IGSF5: variants seen among roughly 807,000 people sequenced by gnomAD.
IGSF5 encodes immunoglobulin superfamily 5 like.
In IGSF5, 41 loss-of-function variants were observed where a neutral mutation model predicts 39.4. The observed-to-expected ratio is 1.04, with a 90% CI of 0.81 to 1.35. The LOEUF is 1.35. Among genes scored for constraint, IGSF5 ranks in the 40% most tolerant of loss-of-function variants. The probability of loss-of-function intolerance (pLI) is 0.00; values close to 1 mark genes in which losing one functional copy is unlikely to be tolerated. For synonymous variants in IGSF5, 183 were observed against 175.3 expected (o/e 1.04, Z -0.34); for missense variants, 487 against 494.6 (o/e 0.98, Z 0.15).
At chr21:39,748,998 C>A (rs1161092045) in intron 2 of IGSF5, among the ~76,000 whole-genome samples, 1 of 152,144 alleles carries the variant, frequency 6.6e-6, no homozygotes, top group African/African-American at 2.4e-5. Context: ...AGGTTCAGCA[C>A]CAGGCGCCTG....
At chr21:39,757,560 G>C (rs1569249329) in intron 2 of IGSF5, among the ~76,000 whole-genome samples, 1 of 151,378 alleles carries the variant, frequency 6.6e-6, no homozygotes, top group South Asian at 2.1e-4. Flanking sequence ...GGTCTGAGGT[G>C]GACTCAGAAA....
chr21:39,731,235 G>A, the IGSF5 span, among the ~76,000 whole-genome samples: 3 of 152,070 alleles, frequency 2.0e-5, no homozygotes, highest in South Asian at 2.1e-4. Flanking sequence ...TTGAGAGGTC[G>A]GTTTATCGCT....
intron 2 of IGSF5, among the ~76,000 whole-genome samples, chr21:39,762,983 G>C (rs1418327743): frequency 2.0e-5 from 3 of 152,160 alleles, no homozygotes; most frequent in Admixed American, 6.5e-5. Flanking sequence ...GCAAAAGGGA[G>C]AGCAAAGAGG....
At chr21:39,784,485 T>C (rs1467041926) in intron 5 of IGSF5, among the ~76,000 whole-genome samples, 1 of 152,210 alleles carries the variant, frequency 6.6e-6, no homozygotes, top group Non-Finnish European at 1.5e-5. Flanking sequence ...TGGGAATAAA[T>C]ACTATCCTAT....
At chr21:39,737,685 G>A in the IGSF5 span, among the ~76,000 whole-genome samples, 23 of 152,312 alleles carry the variant, frequency 1.5e-4, no homozygotes, top group East Asian at 2.3e-3. Flanking sequence ...TGGGTGTGTG[G>A]CCCCCCAGGA....
At chr21:39,714,220 G>T in the IGSF5 span, among the ~76,000 whole-genome samples, 1 of 152,356 alleles carries the variant, frequency 6.6e-6, no homozygotes, top group East Asian at 1.9e-4. Flanking sequence ...CTACACTTAG[G>T]TGAGTTTGCA....
At chr21:39,736,869 G>T in the IGSF5 span, among the ~76,000 whole-genome samples, 11 of 152,188 alleles carry the variant, frequency 7.2e-5, no homozygotes, top group African/African-American at 2.2e-4. Context: ...GTGCTTTGCT[G>T]GCCAGCCCTC....
chr21:39,738,977 C>G, the IGSF5 span, among the ~76,000 whole-genome samples: 1 of 152,060 alleles, frequency 6.6e-6, no homozygotes, highest in Non-Finnish European at 1.5e-5. This position sits in a 1 kb window ranked among gnomAD's most constrained non-coding sequence, Gnocchi z 6.4. Context: ...CAACCTCCAT[C>G]TCCCGGGTTC....
chr21:39,758,827 A>G (rs2080046391), intron 2 of IGSF5, among the ~76,000 whole-genome samples: 1 of 152,192 alleles, frequency 6.6e-6, no homozygotes, highest in South Asian at 2.1e-4. Context: ...TGTGTTCCCA[A>G]CTAGATTATA....
intron 5 of IGSF5, among the ~76,000 whole-genome samples, chr21:39,787,197 G>A (rs766451321): frequency 1.8e-4 from 27 of 152,176 alleles, no homozygotes; most frequent in Non-Finnish European, 3.4e-4. Context: ...CGCTGGTGGC[G>A]TTGGAGGCAT....
chr21:39,766,516 G>T (rs1021473067), intron 3 of IGSF5, among the ~76,000 whole-genome samples: 7 of 152,014 alleles, frequency 4.6e-5, no homozygotes, highest in Admixed American at 3.3e-4. Flanking sequence ...TCTCTACCCT[G>T]CCTCCAACTA....
chr21:39,798,665 A>G (rs1191073528), intron 8 of IGSF5, among the ~76,000 whole-genome samples: 1 of 152,182 alleles, frequency 6.6e-6, no homozygotes, highest in East Asian at 1.9e-4. Flanking sequence ...CTCAATTTTA[A>G]TAACATCCAA....
chr21:39,770,842 GAAAAAA>G lies in IGSF5; in HGVS notation c.419-68_419-63del, dbSNP rs1051069062. ...TTGAAGCAAAACTTAAAAAAAAAAAGAAAAAAAAAAAGAAAACTTAGAAGCGAGAGG... is the reference window on the plus strand; with the variant it reads ...TTGAAGCAAAACTTAAAAAAAAAAAGAAAAAGAAAACTTAGAAGCGAGAGG... On this transcript the variant is annotated intron_variant, in intron 3 of 8. Coordinates refer to ENST00000380588, the MANE Select transcript of IGSF5 (RefSeq NM_001080444.2). 15 of 918,038 alleles carry G rather than the reference GAAAAAA, an allele frequency of 1.6e-5. No individual in the cohort carries two copies. The African/African-American group carries it at 1.7e-4, about 10-fold the overall frequency. The allele number at this position is 918,038 out of a possible 1,614,324, so 56.9% of individuals were successfully genotyped here.
chr21:39,741,596 G>T (rs1264965683), upstream of IGSF5, among the ~76,000 whole-genome samples: 2 of 152,232 alleles, frequency 1.3e-5, no homozygotes, highest in Non-Finnish European at 2.9e-5. Context: ...GGACAGGAGT[G>T]TCCAGGTATG....
chr21:39,741,639 C>G (rs2079949215), upstream of IGSF5, among the ~76,000 whole-genome samples: 1 of 152,090 alleles, frequency 6.6e-6, no homozygotes, highest in Admixed American at 6.5e-5. Flanking sequence ...TAATGCCTGG[C>G]CAAATAGATG....
At chr21:39,794,955 G>C (rs182186772) in intron 8 of IGSF5, among the ~76,000 whole-genome samples, 36 of 152,274 alleles carry the variant, frequency 2.4e-4, no homozygotes, top group Non-Finnish European at 4.1e-4. Context: ...AGGCCTGTAG[G>C]GGGGAAGGGA....
chr21:39,726,541 T>A, the IGSF5 span, among the ~76,000 whole-genome samples: 22 of 151,672 alleles, frequency 1.5e-4, no homozygotes, highest in Admixed American at 3.3e-4. Flanking sequence ...GGAGCCAAGA[T>A]GGCAGGGCAG....
At chr21:39,742,651 A>G (rs1476363303), upstream of IGSF5, among the ~76,000 whole-genome samples, 2 of 152,204 alleles carry the variant, frequency 1.3e-5, no homozygotes. Context: ...CTACTTGGAC[A>G]ATCTTTTTTA....
intron 3 of IGSF5, among the ~76,000 whole-genome samples, chr21:39,766,904 C>T (rs1417281954): frequency 1.3e-5 from 2 of 152,042 alleles, no homozygotes; most frequent in Non-Finnish European, 2.9e-5. Flanking sequence ...ATTTATGTTG[C>T]TATTAAATCA....
Sources: gnomAD v4.1 joint callset for allele counts (sites outside exome capture counted in the v4.1 genomes callset) on GRCh38, gnomAD v4.1.1 for gene constraint, Gnocchi (gnomAD v3.1) non-coding constraint, MANE v1.5 for transcripts, NCBI Gene and HGNC (gene_info 2026-07-23, HGNC 2026-07-21) for gene names.